The following LMBRD1 variants were observed in gnomAD, a reference collection of about 807,000 sequenced individuals.
LMBRD1 encodes LMBR1 domain containing 1, also known as lysosomal cobalamin transport escort protein LMBD1.
In LMBRD1, 64 loss-of-function variants were observed where a neutral mutation model predicts 74.8. The observed-to-expected ratio is 0.86, with a 90% CI of 0.70 to 1.05. The LOEUF (loss-of-function observed/expected upper bound fraction) is 1.05. LMBRD1 is among the 50% of genes least tolerant of loss of function. The pLI, the probability that LMBRD1 is intolerant of heterozygous loss-of-function variation, is 0.00. For synonymous variants in LMBRD1, 204 were observed against 216.3 expected (o/e 0.94, Z 0.50); for missense variants, 652 against 645.9 (o/e 1.01, Z -0.10).
intron 13 of LMBRD1, among the ~76,000 whole-genome samples, chr6:69,698,620 T>C (rs1766057709): frequency 1.3e-5 from 2 of 151,916 alleles, no homozygotes; most frequent in South Asian, 4.1e-4. Context: ...TAAAAGAATG[T>C]ATAGTTATCT....
intron 1 of LMBRD1, 157 bp from the exon 2 acceptor site, chr6:69,790,629 T>C (rs1766059836): frequency 1.4e-6 from 1 of 695,648 alleles, no homozygotes; most frequent in Admixed American, 2.3e-5. Flanking sequence ...TTGTCCAAGA[T>C]GTATAATTTT....
intron 2 of LMBRD1, among the ~76,000 whole-genome samples, chr6:69,784,704 A>C (rs368449976): frequency 6.6e-6 from 1 of 152,124 alleles, no homozygotes; most frequent in Admixed American, 6.5e-5. Flanking sequence ...AATCTAAAAC[A>C]TATCTCCATT....
intron 5 of LMBRD1, among the ~76,000 whole-genome samples, chr6:69,747,418 T>C (rs997569444): frequency 1.3e-5 from 2 of 152,246 alleles, no homozygotes; most frequent in Non-Finnish European, 2.9e-5. Context: ...TAAATGACTG[T>C]TATTTAAGCC....
intron 3 of LMBRD1, among the ~76,000 whole-genome samples, chr6:69,759,297 T>C (rs886775517): frequency 6.6e-6 from 1 of 152,114 alleles, no homozygotes; most frequent in Non-Finnish European, 1.5e-5. Flanking sequence ...CTCTAAAATG[T>C]AGACAGACTT....
chr6:69,784,887 T>C (rs748651355), intron 2 of LMBRD1, among the ~76,000 whole-genome samples: 3 of 152,154 alleles, frequency 2.0e-5, no homozygotes, highest in Non-Finnish European at 2.9e-5. Flanking sequence ...TAGTAACTAT[T>C]AAACACAAAG....
intron 7 of LMBRD1, among the ~76,000 whole-genome samples, chr6:69,730,210 C>T (rs1292740696): frequency 6.6e-6 from 1 of 152,028 alleles, no homozygotes; most frequent in Non-Finnish European, 1.5e-5. Flanking sequence ...TTCCTAATAA[C>T]TTCTTTTACC....
At chr6:69,693,641 T>G (rs1039471573) in intron 14 of LMBRD1, among the ~76,000 whole-genome samples, 3 of 151,996 alleles carry the variant, frequency 2.0e-5, no homozygotes, top group Non-Finnish European at 2.9e-5. Context: ...TATGAGTTAT[T>G]TATTATAGTA....
rs1765269532 is a variant in LMBRD1, at chr6:69,756,511, G to GA, written c.308-4156dup. 3.9e-5 allele frequency among the ~76,000 whole-genome samples: 6 copies of GA among 152,290 alleles called. No homozygotes were observed. The South Asian group carries it at 1.2e-3, about 32-fold the overall frequency. ...AATACCAAGTGTTGGCAAGAATGCA[G>GA]AAACAACTAACATTATCATACTTTA... On this transcript the variant is annotated intron_variant, in intron 3 of 15. Coordinates refer to ENST00000649934, the MANE Select transcript of LMBRD1 (RefSeq NM_018368.4).
chr6:69,796,316 A>G (rs951090069), intron 1 of LMBRD1, among the ~76,000 whole-genome samples: 9 of 152,182 alleles, frequency 5.9e-5, no homozygotes, highest in Non-Finnish European at 5.9e-5. Context: ...GAATCACACA[A>G]TGGGCACAGA....
At chr6:69,704,228 T>C (rs1278000201) in intron 9 of LMBRD1, among the ~76,000 whole-genome samples, 2 of 152,106 alleles carry the variant, frequency 1.3e-5, no homozygotes, top group African/African-American at 4.8e-5. Context: ...AAAATCTTGT[T>C]CTCACCAAAC....
At chr6:69,758,372 C>G (rs568212006) in intron 3 of LMBRD1, among the ~76,000 whole-genome samples, 2 of 150,118 alleles carry the variant, frequency 1.3e-5, no homozygotes, top group South Asian at 4.3e-4. Flanking sequence ...TATCTATTTA[C>G]CCAGCTGAAA....
intron 14 of LMBRD1, among the ~76,000 whole-genome samples, chr6:69,686,403 T>C (rs1417606719): frequency 1.3e-5 from 2 of 152,082 alleles, no homozygotes; most frequent in East Asian, 3.9e-4. Context: ...CAGAACCTAA[T>C]AGGTTACACT....
At chr6:69,788,546 G>A (rs1283746460) in intron 2 of LMBRD1, among the ~76,000 whole-genome samples, 1 of 152,076 alleles carries the variant, frequency 6.6e-6, no homozygotes, top group African/African-American at 2.4e-5. Flanking sequence ...ATTCTAAAAT[G>A]ACACTTATTT....
intron 2 of LMBRD1, among the ~76,000 whole-genome samples, chr6:69,784,847 A>C (rs920528624): frequency 2.6e-5 from 4 of 152,134 alleles, no homozygotes; most frequent in Admixed American, 6.6e-5. Flanking sequence ...AATTTCTCTC[A>C]CTGTACTGAA....
chr6:69,743,612 A>C (rs1767154563), intron 5 of LMBRD1, among the ~76,000 whole-genome samples: 1 of 152,258 alleles, frequency 6.6e-6, no homozygotes, highest in South Asian at 2.1e-4. Flanking sequence ...ATTTGAGCAC[A>C]TAGTATTTTA....
intron 12 of LMBRD1, among the ~76,000 whole-genome samples, chr6:69,699,985 A>G (rs921972): frequency 0.35 from 52,395 of 151,616 alleles, 9,982 homozygotes; most frequent in East Asian, 0.54. Flanking sequence ...TGTTTTATTG[A>G]TATAATTGTT....
chr6:69,792,536 T>C (rs1367816337), intron 1 of LMBRD1, among the ~76,000 whole-genome samples: 1 of 152,200 alleles, frequency 6.6e-6, no homozygotes, highest in Non-Finnish European at 1.5e-5. Context: ...CAGGAAAGAA[T>C]TGACTGAGAA....
chr6:69,746,036 C>A, intron 5 of LMBRD1: 1 of 215,452 alleles, frequency 4.6e-6, no homozygotes, highest in South Asian at 8.0e-5. Context: ...ATGGCAAGTT[C>A]TAGGGCACTG....
In LMBRD1 at chr6:69,752,281, T is replaced by C; in HGVS notation, c.383A>G (p.Asp128Gly). The C allele has an allele frequency of 1.2e-6, 2 of 1,610,558 alleles. No individual in the cohort carries two copies. Among genetic ancestry groups the C allele is most frequent in the Non-Finnish European group, 8.5e-7 (1 of 1,177,256 alleles). ...FVYFYYEEKD[D>G]DDTSKCTQIK... ...TACAGTACATTTACTAGTATCATCATCATCCTTTTCTTCATAATAGAAGTA... is the reference window on the plus strand; with the variant it reads ...TACAGTACATTTACTAGTATCATCACCATCCTTTTCTTCATAATAGAAGTA... Residue 128 changes from aspartate (D) to glycine (G), a missense_variant, in exon 4 of 16, where the codon GAT becomes GGT. Physicochemically the swap from Asp to Gly is moderately conservative, Grantham distance 94. Coordinates refer to ENST00000649934, the MANE Select transcript of LMBRD1 (RefSeq NM_018368.4).
Sources: allele counts gnomAD v4.1 joint callset (sites outside exome capture counted in the v4.1 genomes callset), GRCh38; gene constraint gnomAD v4.1.1; transcripts MANE v1.5; gene names NCBI Gene and HGNC (gene_info 2026-07-23, HGNC 2026-07-21).